Variants in POLR1D observed in about 807,000 individuals in gnomAD.
POLR1D encodes RNA polymerase I and III subunit D.
POLR1D carries 8 observed loss-of-function variants against 10.8 expected under a neutral mutation model. The observed-to-expected ratio is 0.74, with a 90% confidence interval of 0.43 to 1.33. The LOEUF is 1.33. POLR1D is among the 40% of genes most tolerant of loss of function. POLR1D has a pLI of 0.01. For synonymous variants in POLR1D, 54 were observed against 57.2 expected (o/e 0.94, Z 0.25); for missense variants, 152 against 161.7 (o/e 0.94, Z 0.32).
At chr13:27,627,206 TG>T (rs1956020282), downstream of POLR1D, among the ~76,000 whole-genome samples, 1 of 152,182 alleles carries the variant, frequency 6.6e-6, no homozygotes, top group Non-Finnish European at 1.5e-5. Flanking sequence ...AGCCTTTTCT[TG>T]CTCAAATTCT....
downstream of POLR1D, among the ~76,000 whole-genome samples, chr13:27,625,204 G>A (rs569359977): frequency 6.6e-6 from 1 of 152,304 alleles, no homozygotes; most frequent in East Asian, 1.9e-4. Context: ...GGAAGAGTTG[G>A]GGTAGTAGGG....
chr13:27,665,692 G>C, exon 3 of POLR1D: 1 of 1,613,920 alleles, frequency 6.2e-7, no homozygotes, highest in Non-Finnish European at 8.5e-7. Flanking sequence ...CCAGGATGAA[G>C]TGTCCTCTTG....
chr13:27,622,819 C>T, intron 1 of POLR1D, 56 bp from the exon 2 acceptor site: 2 of 1,110,802 alleles, frequency 1.8e-6, no homozygotes, highest in Non-Finnish European at 2.7e-6. Context: ...TGAGAAAAAG[C>T]TAGTTACAAA....
chr13:27,635,527 G>A (rs1046160191), intron 1 of POLR1D, among the ~76,000 whole-genome samples: 1 of 151,844 alleles, frequency 6.6e-6, no homozygotes, highest in Non-Finnish European at 1.5e-5. Flanking sequence ...CTCAGACTTG[G>A]TGAGGTAATA....
chr13:27,631,068 A>C (rs1956068183), intron 1 of POLR1D, among the ~76,000 whole-genome samples: 1 of 152,216 alleles, frequency 6.6e-6, no homozygotes, highest in Non-Finnish European at 1.5e-5. Context: ...ACCATCCTTG[A>C]CTGGGTATTA....
chr13:27,621,610 C>T (rs2138513116), upstream of POLR1D: 1 of 163,064 alleles, frequency 6.1e-6, no homozygotes, highest in East Asian at 1.8e-4. Context: ...GGCCGCGCCC[C>T]TTCGCCATCA....
downstream of POLR1D, among the ~76,000 whole-genome samples, chr13:27,625,633 T>C (rs1956000810): frequency 6.6e-6 from 1 of 151,656 alleles, no homozygotes; most frequent in Non-Finnish European, 1.5e-5. Context: ...TTATGAGTCC[T>C]TGCCATAAAG....
chr13:27,658,959 A>G (rs1338827579), intron 2 of POLR1D, among the ~76,000 whole-genome samples: 1 of 152,204 alleles, frequency 6.6e-6, no homozygotes, highest in African/African-American at 2.4e-5. Context: ...TGGCAAAATA[A>G]ATCCTAAAGG....
chr13:27,665,483 C>T, intron 2 of POLR1D: 1 of 602,954 alleles, frequency 1.7e-6, no homozygotes, highest in Non-Finnish European at 2.9e-6. Context: ...TCCAGCCAGT[C>T]TTGTCTCAAG....
rs147482277 is a variant in POLR1D at position 27,622,301 on chromosome 13, G to C, written c.26+292G>C. The C allele has an allele frequency of 1.9e-4, 101 of 535,940 alleles. 2 individuals are homozygous for C. The East Asian group carries it at 3.0e-3, about 16-fold the overall frequency. 33.2% of individuals were successfully genotyped at this position (535,940 alleles called of 1,614,324 possible). A position where few individuals can be genotyped will look rare whatever the true frequency, so the allele number is the denominator to read the frequency against. ...GCCCCGGGCCTCTGCTCCTGAGGAC[G>C]GTACTCGTGCCTCTGTCCCTGTAAC... On this transcript the variant is annotated intron_variant, in intron 1 of 1. Transcript: ENST00000302979.
At chr13:27,638,538 T>C (rs1339604476) in intron 1 of POLR1D, among the ~76,000 whole-genome samples, 2 of 152,230 alleles carry the variant, frequency 1.3e-5, no homozygotes, top group Non-Finnish European at 2.9e-5. Context: ...GTTCTTTTTT[T>C]CCCTATTCTT....
At chr13:27,664,816 C>A (rs1956399292) in intron 2 of POLR1D, 1 of 152,018 alleles carries the variant, frequency 6.6e-6, no homozygotes, top group Non-Finnish European at 1.5e-5. Context: ...TACCAGCCAC[C>A]CTGAATAACA....
chr13:27,641,700 T>C (rs1235290948), intron 1 of POLR1D, among the ~76,000 whole-genome samples: 1 of 152,184 alleles, frequency 6.6e-6, no homozygotes, highest in Non-Finnish European at 1.5e-5. Context: ...AGTGGGCCTA[T>C]AAGAAAGGAG....
At chr13:27,630,955 A>G (rs1956066711) in intron 1 of POLR1D, among the ~76,000 whole-genome samples, 1 of 152,078 alleles carries the variant, frequency 6.6e-6, no homozygotes, top group African/African-American at 2.4e-5. Context: ...TAAGCCTAAC[A>G]TTGCCATTTC....
chr13:27,626,396 T>C (rs368435176), downstream of POLR1D, among the ~76,000 whole-genome samples: 40 of 152,354 alleles, frequency 2.6e-4, no homozygotes, highest in African/African-American at 9.6e-4. Context: ...CAGTCTTGAA[T>C]GTCTTTAGGG....
At chr13:27,639,195 CA>C (rs1348908158) in intron 1 of POLR1D, among the ~76,000 whole-genome samples, 1 of 152,072 alleles carries the variant, frequency 6.6e-6, no homozygotes, top group Non-Finnish European at 1.5e-5. Flanking sequence ...TTTTGTTCTC[CA>C]AAGCATCTGT....
At chr13:27,635,596 ATAGTC>A (rs1359535387) in intron 1 of POLR1D, among the ~76,000 whole-genome samples, 1 of 151,828 alleles carries the variant, frequency 6.6e-6, no homozygotes, top group Non-Finnish European at 1.5e-5. Context: ...ATAACTATCA[ATAGTC>A]TATCTATGAT....
At chr13:27,638,565 G>A (rs1276217731) in intron 1 of POLR1D, among the ~76,000 whole-genome samples, 1 of 152,040 alleles carries the variant, frequency 6.6e-6, no homozygotes, top group Non-Finnish European at 1.5e-5. Context: ...TTAGCTTTGA[G>A]TATAATTTAT....
chr13:27,660,403 G>T (rs760745860), intron 2 of POLR1D, among the ~76,000 whole-genome samples: 3 of 152,168 alleles, frequency 2.0e-5, no homozygotes, highest in Non-Finnish European at 4.4e-5. Context: ...ATAAAAGAAC[G>T]CATTGAAGTG....
Sources: allele counts gnomAD v4.1 joint callset (sites outside exome capture counted in the v4.1 genomes callset), GRCh38; gene constraint gnomAD v4.1.1; transcripts MANE v1.5; gene names NCBI Gene and HGNC (gene_info 2026-07-23, HGNC 2026-07-21).